Variants in CCDC88A observed in about 807,000 individuals in gnomAD.
CCDC88A encodes girdin.
Under a neutral mutation model 234.3 loss-of-function variants are expected in CCDC88A, and 54 were observed. The observed-to-expected ratio is 0.23, with a 90% CI of 0.19 to 0.29. The LOEUF is 0.29. Ranked by LOEUF, CCDC88A falls within the 10% of genes least tolerant of loss-of-function variation. The probability of loss-of-function intolerance (pLI) is 1.00; values close to 1 mark genes in which losing one functional copy is unlikely to be tolerated. For synonymous variants in CCDC88A, 753 were observed against 737.8 expected (o/e 1.02, Z -0.33); for missense variants, 1,832 against 2,123.4 (o/e 0.86, Z 2.70).
Position 55,288,178 on chromosome 2 carries a change from T to A in CCDC88A, c.*3022A>T, listed in dbSNP as rs923420396. ...CTTAATAGAAAAGAAAAAGACAATT[T>A]AAAATTAGATTTTGTTGAAGGGTGT... On this transcript the variant is annotated 3_prime_UTR_variant, in exon 33 of 33. Transcript: ENST00000436346. The A allele has an allele frequency of 6.6e-6, 1 of 152,670 alleles. No homozygotes were observed. Among genetic ancestry groups the A allele is most frequent in the African/African-American group, 2.4e-5 (1 of 41,474 alleles). The allele number at this position is 152,670 out of a possible 1,614,324, so 9.5% of individuals were successfully genotyped here.
rs902399729 is a variant in CCDC88A at position 55,300,037 on chromosome 2, G to A, written c.4745-118C>T. ...GCAATCATGCATACTTTCACAAGAT[G>A]AGCATGCCCAGATTAGAAAGCAAAT... On this transcript the variant is annotated intron_variant, in intron 28 of 32. Coordinates refer to ENST00000436346, the MANE Select transcript of CCDC88A (RefSeq NM_001365480.1). 3 of 710,098 alleles carry A rather than the reference G, an allele frequency of 4.2e-6. No homozygotes were observed. The Admixed American group carries it at 7.0e-5, about 16-fold the overall frequency. 44.0% of individuals were successfully genotyped at this position (710,098 alleles called of 1,614,324 possible). A position where few individuals can be genotyped will look rare whatever the true frequency, so the allele number is the denominator to read the frequency against.
rs751542166 is a variant in CCDC88A, at chr2:55,419,085, A to G, written c.-6T>C. On this transcript the variant is annotated 5_prime_UTR_variant, in exon 1 of 33. Transcript: ENST00000436346. ...GTAAAAATTTCGTTCTCCATTTTAC[A>G]GAGTATGTATTTGAAAAAAGGAACT... The G allele has an allele frequency of 6.3e-7, 1 of 1,597,768 alleles. No homozygotes were observed. The highest frequency in any genetic ancestry group is 2.2e-5 in the East Asian group (1 of 44,814).
At chr2:55,310,832 AAGG>A (rs1224225971) in intron 23 of CCDC88A, among the ~76,000 whole-genome samples, 1 of 152,206 alleles carries the variant, frequency 6.6e-6, no homozygotes, top group Non-Finnish European at 1.5e-5. Flanking sequence ...AGTTGTTAAC[AAGG>A]CTGGAGTTCC....
At chr2:55,407,051 A>G (rs980521947) in intron 2 of CCDC88A, among the ~76,000 whole-genome samples, 2 of 151,934 alleles carry the variant, frequency 1.3e-5, no homozygotes, top group African/African-American at 4.8e-5. Flanking sequence ...CATCTCTACA[A>G]AAAAAAATTT....
At chr2:55,346,581 G>A (rs980273090) in intron 9 of CCDC88A, among the ~76,000 whole-genome samples, 6 of 151,870 alleles carry the variant, frequency 4.0e-5, no homozygotes, top group African/African-American at 7.3e-5. Flanking sequence ...CACCATGCCC[G>A]GCTAATTTTT....
In CCDC88A at chr2:55,355,695, A is replaced by G; in HGVS notation, c.684T>C (p.Ser228=). 1.2e-6 allele frequency: 2 copies of G among 1,613,992 alleles called. No individual in the cohort carries two copies. The highest frequency in any genetic ancestry group is 1.7e-6 in the Non-Finnish European group (2 of 1,179,878). ...AACCACAGGGTGACTGTGCAGATGAAGAGGCATGGGGTAGAAAATGGAGAC... is the reference window on the plus strand; with the variant it reads ...AACCACAGGGTGACTGTGCAGATGAGGAGGCATGGGGTAGAAAATGGAGAC... ...RDGLHFLPHA[S]SSAQSPCGSP... is the part of the protein sequence containing the mutation. The change falls in exon 8 of 33, where the codon TCT becomes TCC. Residue 228 remains serine, a synonymous_variant. Coordinates refer to ENST00000436346, the MANE Select transcript of CCDC88A (RefSeq NM_001365480.1).
chr2:55,314,060 G>C (rs1459510520), intron 22 of CCDC88A: 1 of 152,218 alleles, frequency 6.6e-6, no homozygotes, highest in Non-Finnish European at 1.5e-5. Context: ...AAGTGATGGT[G>C]TAACAGTTCC....
chr2:55,362,464 C>A lies in CCDC88A; in HGVS notation c.487-16G>T. 6.3e-7 allele frequency: 1 copy of A among 1,588,702 alleles called. No homozygotes were observed. Among genetic ancestry groups the A allele is most frequent in the Admixed American group, 1.9e-5 (1 of 53,680 alleles). On this transcript the variant is annotated splice_polypyrimidine_tract_variant and intron_variant, in intron 6 of 32. Coordinates refer to ENST00000436346, the MANE Select transcript of CCDC88A (RefSeq NM_001365480.1). ...TATGAGTTACCTTTAGAAAAGTGAC[C>A]AAAATAAACAACCAAAAAAGTGGCT... is the stretch of plus-strand genomic sequence containing the variant.
At chr2:55,369,650 G>A (rs748996063) in intron 5 of CCDC88A, among the ~76,000 whole-genome samples, 9 of 151,806 alleles carry the variant, frequency 5.9e-5, no homozygotes, top group Non-Finnish European at 1.0e-4. Flanking sequence ...CAGAGACAAC[G>A]TTTTACCATG....
At chr2:55,378,721 T>A (rs1433998514) in intron 3 of CCDC88A, among the ~76,000 whole-genome samples, 1 of 149,210 alleles carries the variant, frequency 6.7e-6, no homozygotes, top group Non-Finnish European at 1.5e-5. Flanking sequence ...CTTCAGAGGA[T>A]TTTTTATACA....
intron 2 of CCDC88A, 70 bp downstream of exon 2, chr2:55,418,746 T>C (rs1681870077): frequency 2.4e-6 from 3 of 1,228,312 alleles, no homozygotes; most frequent in Non-Finnish European, 2.4e-6. Context: ...GCTTAAAACA[T>C]CGTGTCTCAA....
At chr2:55,407,317 G>C (rs1679753659) in intron 2 of CCDC88A, among the ~76,000 whole-genome samples, 1 of 152,036 alleles carries the variant, frequency 6.6e-6, no homozygotes, top group Non-Finnish European at 1.5e-5. Flanking sequence ...AATATAAAAA[G>C]TTATGGGCTG....
rs1668432988 is a variant in CCDC88A at position 55,341,153 on chromosome 2, T to C, written c.1334-1505A>G. On this transcript the variant is annotated intron_variant, in intron 12 of 32. Transcript: ENST00000436346. ...CAGAATTTCTTTCTTTTTTTTTTTTTTTTTTTTTTTGAGACAGAGTCTTGC... is the reference window on the plus strand; with the variant it reads ...CAGAATTTCTTTCTTTTTTTTTTTTCTTTTTTTTTTGAGACAGAGTCTTGC... Among the ~76,000 whole-genome samples, 5 of 146,136 alleles carry C rather than the reference T, an allele frequency of 3.4e-5. No homozygotes were observed. In the South Asian group the frequency reaches 1.1e-3, roughly 32 times the overall value.
At position 55,295,637 on chromosome 2, in the gene CCDC88A, T is replaced by C; in HGVS notation, c.5511A>G (p.Ser1837=). The stretch of plus-strand genomic sequence containing the variant: ...TGTTGCTGTCAGCAGCAGCTGGTGG[T>C]GAATCAACTGATATAGGCAGTCTAC... ...KDSRLPISVD[S]PPAAADSNTT... is the part of the protein sequence containing the mutation. Residue 1837 remains serine (S), a synonymous_variant, in exon 31 of 33, where the codon TCA becomes TCG. Coordinates refer to ENST00000436346, the MANE Select transcript of CCDC88A (RefSeq NM_001365480.1). The C allele has an allele frequency of 1.2e-6, 2 of 1,614,164 alleles. No homozygotes were observed. Among genetic ancestry groups the C allele is most frequent in the African/African-American group, 1.3e-5 (1 of 75,032 alleles).
intron 16 of CCDC88A, among the ~76,000 whole-genome samples, chr2:55,331,270 A>G (rs1684880095): frequency 6.6e-6 from 1 of 152,232 alleles, no homozygotes; most frequent in South Asian, 2.1e-4. Flanking sequence ...TATCTGATTA[A>G]CTCAAATAAA....
chr2:55,384,530 T>TATAA (rs371342949), intron 3 of CCDC88A, among the ~76,000 whole-genome samples: 2 of 73,396 alleles, frequency 2.7e-5, no homozygotes, highest in Admixed American at 1.5e-4. Context: ...TATATATATA[T>TATAA]ACATATATAC....
intron 17 of CCDC88A, among the ~76,000 whole-genome samples, chr2:55,324,549 T>C (rs752248219): frequency 3.5e-4 from 54 of 152,318 alleles, no homozygotes; most frequent in Non-Finnish European, 6.6e-4. Context: ...TTTTGGTCAT[T>C]ATATCCAGTT....
At chr2:55,376,950 C>G (rs560080477) in intron 3 of CCDC88A, among the ~76,000 whole-genome samples, 1 of 152,108 alleles carries the variant, frequency 6.6e-6, no homozygotes, top group Admixed American at 6.6e-5. Flanking sequence ...TCTGCCTCAG[C>G]GTCCCGAGTA....
In CCDC88A at chr2:55,308,874, T is replaced by C. The variant is rs1037048123; in HGVS notation, c.4322A>G (p.Asp1441Gly). 1 of 1,614,128 alleles carries C rather than the reference T, an allele frequency of 6.2e-7. No individual in the cohort carries two copies. Reference protein sequence around the residue: ...FLQLPHQDSQDSSSVGSNSLE... With the variant: ...FLQLPHQDSQGSSSVGSNSLE... ...AGAGTTTGAACCTACTGAAGAACTA[T>C]CTTGACTGTCTTGATGAGGGAGCTG... The change falls in exon 25 of 33, where the codon GAT becomes GGT. Residue 1441 changes from aspartate to glycine, a missense_variant. Asp to Gly is a moderately conservative substitution (Grantham distance 94, BLOSUM62 -1). Around this residue, in one of 6 missense-constraint regions of CCDC88A, gnomAD observed 1,282 missense variants for 1,543.6 expected, o/e 0.83. Coordinates refer to ENST00000436346, the MANE Select transcript of CCDC88A (RefSeq NM_001365480.1).
Sources: allele counts gnomAD v4.1 joint callset (sites outside exome capture counted in the v4.1 genomes callset), GRCh38; gene constraint gnomAD v4.1.1; regional missense constraint gnomAD v4.1.1; transcripts MANE v1.5; gene names NCBI Gene and HGNC (gene_info 2026-07-23, HGNC 2026-07-21).